The following ITPR2 variants were observed in gnomAD, a reference collection of about 807,000 sequenced individuals.
The protein encoded by ITPR2 is inositol 1,4,5-trisphosphate receptor type 2.
In ITPR2, 207 loss-of-function variants were observed where a neutral mutation model predicts 317.1. That is an observed-to-expected ratio of 0.65 (90% confidence interval 0.58 to 0.73). The LOEUF (loss-of-function observed/expected upper bound fraction) is 0.73, where lower values mean the gene tolerates loss of function less well. Ranked by LOEUF, ITPR2 falls within the 30% of genes least tolerant of loss-of-function variation. The probability of loss-of-function intolerance (pLI) is 0.00; values close to 1 mark genes in which losing one functional copy is unlikely to be tolerated. For synonymous variants in ITPR2, 1,156 were observed against 1,149.1 expected, an observed-to-expected ratio of 1.01 and a Z score of -0.12; for missense variants, 2,613 against 3,284.0, an observed-to-expected ratio of 0.80 and a Z score of 4.99.
At chr12:26,605,124 A>ATATATATATAT (rs1268947338) in intron 26 of ITPR2, among the ~76,000 whole-genome samples, 132 of 83,794 alleles carry the variant, frequency 1.6e-3, no homozygotes, top group Middle Eastern at 8.1e-3. Flanking sequence ...ATAAAAAATA[A>ATATATATATAT]AAATATATAT....
intron 2 of ITPR2, among the ~76,000 whole-genome samples, chr12:26,771,184 A>G (rs531733057): frequency 2.0e-5 from 3 of 152,360 alleles, no homozygotes; most frequent in Non-Finnish European, 4.4e-5. Context: ...AAGACATTAT[A>G]CATAAAGACT....
chr12:26,593,349 C>G (rs1453372860), intron 32 of ITPR2, among the ~76,000 whole-genome samples: 1 of 152,232 alleles, frequency 6.6e-6, no homozygotes, highest in Non-Finnish European at 1.5e-5. Flanking sequence ...CTCAACTGAA[C>G]TGAAAATTTA....
intron 1 of ITPR2, among the ~76,000 whole-genome samples, chr12:26,830,120 T>G (rs1448613231): frequency 6.6e-6 from 1 of 152,218 alleles, no homozygotes; most frequent in Non-Finnish European, 1.5e-5. Context: ...GCCAGGCTGG[T>G]CTCAAACTGC....
intron 55 of ITPR2, among the ~76,000 whole-genome samples, chr12:26,365,281 G>A (rs7302541): frequency 0.4 from 60,180 of 151,996 alleles, 12,772 homozygotes; most frequent in East Asian, 0.64. Flanking sequence ...TGAAACCTGG[G>A]TACCTAACAA....
At chr12:26,733,451 A>G (rs1949060348) in intron 2 of ITPR2, among the ~76,000 whole-genome samples, 1 of 152,210 alleles carries the variant, frequency 6.6e-6, no homozygotes, top group Non-Finnish European at 1.5e-5. Context: ...TATTATCAAG[A>G]TACATATACA....
At chr12:26,667,237 C>G (rs955586385) in intron 13 of ITPR2, among the ~76,000 whole-genome samples, 1 of 152,060 alleles carries the variant, frequency 6.6e-6, no homozygotes, top group Non-Finnish European at 1.5e-5. Flanking sequence ...CTTTCAATAC[C>G]TTTGGTAAGA....
chr12:26,414,778 C>G (rs1940667530), intron 51 of ITPR2, among the ~76,000 whole-genome samples: 1 of 152,056 alleles, frequency 6.6e-6, no homozygotes, highest in South Asian at 2.1e-4. Flanking sequence ...TAGATTTGGT[C>G]CATTAATCCC....
At chr12:26,760,173 C>G (rs1949605015) in intron 2 of ITPR2, among the ~76,000 whole-genome samples, 1 of 152,184 alleles carries the variant, frequency 6.6e-6, no homozygotes. Context: ...GTTTTGCTTT[C>G]TGGAACTTGG....
chr12:26,703,670 T>C (rs1315420216), intron 9 of ITPR2, among the ~76,000 whole-genome samples: 3 of 152,246 alleles, frequency 2.0e-5, no homozygotes, highest in Non-Finnish European at 4.4e-5. Flanking sequence ...ATCGGTTTTT[T>C]GATTTTAACA....
intron 26 of ITPR2, among the ~76,000 whole-genome samples, chr12:26,617,652 G>A (rs1254792497): frequency 6.8e-6 from 1 of 147,978 alleles, no homozygotes; most frequent in Admixed American, 6.9e-5. Flanking sequence ...GAAAAGAAAG[G>A]AGGGACGGAG....
At chr12:26,607,723 G>C (rs763974763) in intron 26 of ITPR2, among the ~76,000 whole-genome samples, 15 of 152,260 alleles carry the variant, frequency 9.9e-5, no homozygotes, top group Non-Finnish European at 1.6e-4. Flanking sequence ...CCCTTCTAGA[G>C]AATACATACA....
intron 45 of ITPR2, among the ~76,000 whole-genome samples, chr12:26,447,980 A>G (rs1555129539): frequency 7.4e-6 from 1 of 134,704 alleles, no homozygotes; most frequent in African/African-American, 2.8e-5. Flanking sequence ...TATGCCATGT[A>G]CCCTTTTACA....
At chr12:26,705,091 C>A (rs1049306607) in intron 9 of ITPR2, among the ~76,000 whole-genome samples, 2 of 152,170 alleles carry the variant, frequency 1.3e-5, no homozygotes, top group Non-Finnish European at 2.9e-5. Flanking sequence ...TCCTCAACCA[C>A]CTCATTTTTA....
At chr12:26,588,881 G>T (rs894431364) in intron 32 of ITPR2, among the ~76,000 whole-genome samples, 1 of 152,044 alleles carries the variant, frequency 6.6e-6, no homozygotes, top group African/African-American at 2.4e-5. Context: ...GAGTACTGTT[G>T]GTCCTTATAG....
At chr12:26,504,175 G>C (rs1943134282) in intron 37 of ITPR2, among the ~76,000 whole-genome samples, 1 of 152,134 alleles carries the variant, frequency 6.6e-6, no homozygotes, top group African/African-American at 2.4e-5. Context: ...TGTGGGAAAA[G>C]AGCTATTTTC....
At chr12:26,613,923 C>T (rs370724162) in intron 26 of ITPR2, among the ~76,000 whole-genome samples, 34 of 152,262 alleles carry the variant, frequency 2.2e-4, no homozygotes, top group African/African-American at 6.7e-4. Flanking sequence ...CAGTGCTTCA[C>T]AGAGGCAAAT....
chr12:26,358,637 T>C (rs930388140), intron 55 of ITPR2, among the ~76,000 whole-genome samples: 6 of 152,144 alleles, frequency 3.9e-5, no homozygotes, highest in Non-Finnish European at 7.3e-5. Context: ...TTCTGTGTAT[T>C]ACAAATAATT....
intron 26 of ITPR2, among the ~76,000 whole-genome samples, chr12:26,606,684 T>C (rs959722170): frequency 6.6e-6 from 1 of 152,082 alleles, no homozygotes; most frequent in African/African-American, 2.4e-5. Flanking sequence ...ATAACCCCTA[T>C]ACTTTGGGAG....
intron 45 of ITPR2, among the ~76,000 whole-genome samples, chr12:26,461,099 C>T (rs1345381708): frequency 6.6e-6 from 1 of 152,136 alleles, no homozygotes; most frequent in African/African-American, 2.4e-5. Context: ...CCACAGCAAT[C>T]GGAGAAAGAA....
Sources: allele counts gnomAD v4.1 joint callset (sites outside exome capture counted in the v4.1 genomes callset), GRCh38; gene constraint gnomAD v4.1.1; transcripts MANE v1.5; gene names NCBI Gene and HGNC (gene_info 2026-07-23, HGNC 2026-07-21).